SRBD1: variants seen among roughly 807,000 people sequenced by gnomAD.
SRBD1 encodes S1 RNA binding domain 1.
A neutral mutation model predicts 115.3 loss-of-function variants in SRBD1; 88 were observed. That is an observed-to-expected ratio of 0.76 (90% confidence interval 0.64 to 0.91). The LOEUF (loss-of-function observed/expected upper bound fraction) is 0.91. Ranked by LOEUF, SRBD1 falls within the 40% of genes least tolerant of loss-of-function variation. The probability of loss-of-function intolerance (pLI) is 0.00; values close to 1 mark genes in which losing one functional copy is unlikely to be tolerated. For synonymous variants in SRBD1, 509 were observed against 407.7 expected (o/e 1.25, Z -2.99); for missense variants, 1,385 against 1,177.4 (o/e 1.18, Z -2.58).
chr2:45,412,218 T>C (rs1429710629), intron 19 of SRBD1, among the ~76,000 whole-genome samples: 1 of 152,212 alleles, frequency 6.6e-6, no homozygotes, highest in East Asian at 1.9e-4. Flanking sequence ...GGTGTGGCTA[T>C]ATAGGAATTC....
intron 14 of SRBD1, among the ~76,000 whole-genome samples, chr2:45,513,626 G>C (rs546616655): frequency 9.5e-4 from 145 of 152,134 alleles, no homozygotes; most frequent in African/African-American, 3.4e-3. Flanking sequence ...CTTGATCATT[G>C]AGCCCTCAGG....
intron 10 of SRBD1, among the ~76,000 whole-genome samples, chr2:45,557,447 C>A (rs554026146): frequency 1.3e-5 from 2 of 152,186 alleles, no homozygotes; most frequent in African/African-American, 4.8e-5. Context: ...CCCCAGTAGT[C>A]TTCTTCAAGT....
intron 16 of SRBD1, among the ~76,000 whole-genome samples, chr2:45,445,550 T>TAAAAAAAAAAAAAAAAA (rs59451865): frequency 8.1e-5 from 3 of 37,044 alleles, no homozygotes; most frequent in African/African-American, 2.2e-4. Context: ...TTCCCAGAGG[T>TAAAAAAAAAAAAAAAAA]AAAAAAAAAA....
In SRBD1 at chr2:45,389,568, T is replaced by G. The variant is rs1299487686; in HGVS notation, c.2730A>C (p.Ile910=). 1 of 1,613,554 alleles carries G rather than the reference T, an allele frequency of 6.2e-7. No individual in the cohort carries two copies. The change falls in exon 21 of 21, where the codon ATA becomes ATC. Residue 910 remains isoleucine (I), a synonymous_variant. Coordinates refer to ENST00000263736, the MANE Select transcript of SRBD1 (RefSeq NM_018079.5). ...CAATCTGCAGATCTTCCAGGCATAC[T>G]ATGCTTCTCTTGAAATCAGGTTTAT... is the stretch of plus-strand genomic sequence containing the variant. ...DFDKPDFKRS[I]VCLEDLQIGT... is the part of the protein sequence containing the mutation.
Position 45,549,034 on chromosome 2 carries a change from A to G in SRBD1, c.1676-1422T>C, listed in dbSNP as rs536125628. On this transcript the variant is annotated intron_variant, in intron 12 of 20. Transcript: ENST00000263736. ...AGTCAGTTTGAGAACAGGAGCTGAA[A>G]CTGAGAGAGATTCAGCACAAAGGGG... 2.0e-5 allele frequency: 3 copies of G among 152,356 alleles called. 1 individual carries two copies. In the South Asian group the frequency reaches 6.2e-4, roughly 32 times the overall value. The allele number at this position is 152,356 out of a possible 1,614,324, so 9.4% of individuals were successfully genotyped here.
chr2:45,450,113 G>A (rs777644679), intron 16 of SRBD1, among the ~76,000 whole-genome samples: 4 of 152,104 alleles, frequency 2.6e-5, no homozygotes, highest in South Asian at 2.1e-4. Flanking sequence ...GGAGGCCTAC[G>A]ATACTAAATT....
At position 45,393,036 on chromosome 2, in the gene SRBD1, C is replaced by T; in HGVS notation, c.2607G>A (p.Glu869=). 1 of 1,614,100 alleles carries T rather than the reference C, an allele frequency of 6.2e-7. No individual in the cohort carries two copies. Residue 869 remains glutamate (E), a synonymous_variant, in exon 20 of 21, where the codon GAG becomes GAA. Coordinates refer to ENST00000263736, the MANE Select transcript of SRBD1 (RefSeq NM_018079.5). ...INSFLEKEGM[E]KIAERLQTTV... is the part of the protein sequence containing the mutation. Reference sequence around the variant, plus strand: ...TTGTTTGCAATCTTTCTGCAATTTTCTCCATTCCTTCCTTTTCAAGGAATG... The same window carrying T: ...TTGTTTGCAATCTTTCTGCAATTTTTTCCATTCCTTCCTTTTCAAGGAATG...
At chr2:45,511,881 T>C (rs974964649) in intron 14 of SRBD1, among the ~76,000 whole-genome samples, 1 of 152,200 alleles carries the variant, frequency 6.6e-6, no homozygotes, top group South Asian at 2.1e-4. Flanking sequence ...AATCCAGTTA[T>C]GTAAAGAATT....
At chr2:45,565,137 T>C (rs1010773039) in intron 9 of SRBD1, among the ~76,000 whole-genome samples, 4 of 152,156 alleles carry the variant, frequency 2.6e-5, no homozygotes, top group Non-Finnish European at 5.9e-5. Flanking sequence ...GAACTAATTT[T>C]AAAACACATA....
At chr2:45,393,173 T>C (rs1667053758) in intron 19 of SRBD1, 44 bp from the exon 20 acceptor site, 1 of 1,541,674 alleles carries the variant, frequency 6.5e-7, no homozygotes, top group Non-Finnish European at 8.7e-7. Flanking sequence ...ACAATATTAC[T>C]CCTTTTGCAA....
At chr2:45,433,860 A>G (rs1333328057) in intron 16 of SRBD1, among the ~76,000 whole-genome samples, 1 of 152,256 alleles carries the variant, frequency 6.6e-6, no homozygotes, top group Non-Finnish European at 1.5e-5. Context: ...TACTTCAAAC[A>G]TCAGAAGATT....
intron 12 of SRBD1, among the ~76,000 whole-genome samples, chr2:45,549,282 C>A (rs1163358799): frequency 7.5e-6 from 1 of 132,944 alleles, no homozygotes; most frequent in Non-Finnish European, 1.7e-5. Flanking sequence ...TATAAACTAT[C>A]TCTCAATCCA....
intron 17 of SRBD1, 136 bp from the exon 18 acceptor site, chr2:45,418,677 A>T (rs1230813783): frequency 7.1e-3 from 418 of 59,252 alleles, no homozygotes; most frequent in Non-Finnish European, 0.01. Flanking sequence ...AAGGGAGTTT[A>T]AAAAAAAAAA....
At chr2:45,472,602 T>C (rs1376929547) in intron 16 of SRBD1, among the ~76,000 whole-genome samples, 1 of 152,190 alleles carries the variant, frequency 6.6e-6, no homozygotes, top group Non-Finnish European at 1.5e-5. Flanking sequence ...CCTGCCTCAG[T>C]GTTCTGAGTA....
intron 10 of SRBD1, among the ~76,000 whole-genome samples, chr2:45,559,211 G>A (rs1289816168): frequency 1.3e-5 from 2 of 152,128 alleles, no homozygotes; most frequent in Non-Finnish European, 2.9e-5. Context: ...ACTGTGGCCT[G>A]AGTGATCTTA....
At chr2:45,573,549 A>T (rs915710070) in intron 8 of SRBD1, among the ~76,000 whole-genome samples, 1 of 152,192 alleles carries the variant, frequency 6.6e-6, no homozygotes, top group Admixed American at 6.5e-5. Context: ...ATCTATTTAT[A>T]TATCTACTCA....
intron 19 of SRBD1, among the ~76,000 whole-genome samples, chr2:45,394,590 G>A (rs1228987585): frequency 1.3e-5 from 2 of 152,182 alleles, no homozygotes; most frequent in Admixed American, 6.5e-5. Flanking sequence ...AAGAATGCTT[G>A]TGATTTTAAG....
chr2:45,462,640 C>T (rs7562976), intron 16 of SRBD1, among the ~76,000 whole-genome samples: 6,824 of 150,612 alleles, frequency 0.045, 480 homozygotes, highest in African/African-American at 0.15. Flanking sequence ...GGTGAAACCC[C>T]GTCTGTACTA....
intron 14 of SRBD1, among the ~76,000 whole-genome samples, chr2:45,524,275 A>G (rs1457753826): frequency 6.6e-6 from 1 of 152,058 alleles, no homozygotes; most frequent in African/African-American, 2.4e-5. Context: ...ACTTCTATTC[A>G]ACACTGCATT....
Sources: gnomAD v4.1 joint callset for allele counts (sites outside exome capture counted in the v4.1 genomes callset) on GRCh38, gnomAD v4.1.1 for gene constraint, MANE v1.5 for transcripts, NCBI Gene and HGNC (gene_info 2026-07-23, HGNC 2026-07-21) for gene names.